Variants in DYNC1LI1 observed in about 807,000 individuals in gnomAD.
DYNC1LI1 encodes cytoplasmic dynein 1 light intermediate chain 1.
A neutral mutation model predicts 63.8 loss-of-function variants in DYNC1LI1; 19 were observed. The ratio of observed to expected loss-of-function variants is 0.30; its 90% CI spans 0.21 to 0.44. The LOEUF (loss-of-function observed/expected upper bound fraction) is 0.44. DYNC1LI1 is among the 20% of genes least tolerant of loss of function. The pLI, the probability that DYNC1LI1 is intolerant of heterozygous loss-of-function variation, is 1.00. For missense variants in DYNC1LI1, 565 were observed against 630.2 expected, an observed-to-expected ratio of 0.90 and a Z score of 1.11; for synonymous variants, 225 against 232.3, an observed-to-expected ratio of 0.97 and a Z score of 0.28.
intron 2 of DYNC1LI1, chr3:32,566,669 TG>T: frequency 2.4e-6 from 1 of 420,464 alleles, no homozygotes; most frequent in Non-Finnish European, 4.7e-6. Flanking sequence ...ACCTAGGAGG[TG>T]GAGGTTGCAG....
At position 32,570,361 on chromosome 3, in the gene DYNC1LI1, T is replaced by C. The variant is rs1400256148; in HGVS notation, c.205A>G (p.Asn69Asp). The change falls in exon 2 of 13, where the codon AAC becomes GAC. Residue 69 changes from asparagine to aspartate, a missense_variant. Physicochemically the swap from Asn to Asp is conservative, Grantham distance 23 (BLOSUM62 1). Transcript: ENST00000273130. Reference sequence around the variant, plus strand: ...GAACACTTACCCAGCAGTAGCACGTTCTTCCCCGCAGGGAGCTTGGAGCGC... The same window carrying C: ...GAACACTTACCCAGCAGTAGCACGTCCTTCCCCGCAGGGAGCTTGGAGCGC... ...RSRSKLPAGK[N>D]VLLLGEDGAG... 1 of 1,603,572 alleles carries C rather than the reference T, an allele frequency of 6.2e-7. No individual in the cohort carries two copies. The highest frequency in any genetic ancestry group is 8.5e-7 in the Non-Finnish European group (1 of 1,175,864).
At chr3:32,570,307 G>A (rs1335718387) in intron 2 of DYNC1LI1, 39 bp downstream of exon 2, 5 of 1,529,264 alleles carry the variant, frequency 3.3e-6, no homozygotes, top group Non-Finnish European at 4.5e-6. Context: ...CCGGGCCGCT[G>A]GGGGCCGGGC....
intron 8 of DYNC1LI1, chr3:32,532,507 A>ATATATATATATATATAT (rs1553617333): frequency 2.0e-5 from 3 of 147,520 alleles, no homozygotes; most frequent in Admixed American, 6.8e-5. Context: ...ATATATATAT[A>ATATATATATATATATAT]AAATTGAAAG....
At chr3:32,554,717 T>C (rs2125442249) in intron 2 of DYNC1LI1, among the ~76,000 whole-genome samples, 1 of 152,314 alleles carries the variant, frequency 6.6e-6, no homozygotes, top group South Asian at 2.1e-4. Flanking sequence ...CACACAGTGC[T>C]TTGGCAGGAA....
In DYNC1LI1 at chr3:32,538,007, TA is replaced by T. The variant is rs1334878502; in HGVS notation, c.739-904del. 5.8e-4 allele frequency among the ~76,000 whole-genome samples: 23 copies of T among 39,688 alleles called. 6 individuals are homozygous for T. Among genetic ancestry groups the T allele is most frequent in the East Asian group, 1.1e-3 (1 of 938 alleles). 26.0% of individuals were successfully genotyped at this position (39,688 alleles called of 152,430 possible). A position where few individuals can be genotyped will look rare whatever the true frequency, so the allele number is the denominator to read the frequency against. Reference sequence around the variant, plus strand: ...AATATATATATATAATTTATATATATAATATATATATATAATTTATATATAT... The same window carrying T: ...AATATATATATATAATTTATATATATATATATATATATAATTTATATATAT... On this transcript the variant is annotated intron_variant, in intron 5 of 12. Transcript: ENST00000273130.
chr3:32,570,639 G>A lies in DYNC1LI1; in HGVS notation c.132C>T (p.Asp44=), dbSNP rs755191535. The A allele has an allele frequency of 6.3e-7, 1 of 1,585,466 alleles. No individual in the cohort carries two copies. The highest frequency in any genetic ancestry group is 1.1e-5 in the South Asian group (1 of 87,482). Residue 44 remains aspartate (D), a synonymous_variant, in exon 1 of 13, where the codon GAC becomes GAT. Transcript: ENST00000273130. ...NGGAAAGDDE[D]GQNLWSCILS... ...GGAGTCGTTACCAAAGGTTCTGCCCGTCCTCGTCGTCGCCTGCCGCGGCGC... is the reference window on the plus strand; with the variant it reads ...GGAGTCGTTACCAAAGGTTCTGCCCATCCTCGTCGTCGCCTGCCGCGGCGC...
chr3:32,543,985 TG>T (rs1230544019), intron 4 of DYNC1LI1, among the ~76,000 whole-genome samples: 23 of 143,572 alleles, frequency 1.6e-4, no homozygotes, highest in African/African-American at 5.9e-4. Flanking sequence ...CTTGAGCTGG[TG>T]GGGGGGCGGG....
intron 2 of DYNC1LI1, among the ~76,000 whole-genome samples, chr3:32,559,845 T>A (rs1698166295): frequency 3.3e-5 from 5 of 152,174 alleles, no homozygotes; most frequent in South Asian, 4.1e-4. Context: ...CTGAAAGCTC[T>A]GGTGACAAGA....
At chr3:32,535,271 C>G (rs1355542994) in intron 6 of DYNC1LI1, among the ~76,000 whole-genome samples, 1 of 152,212 alleles carries the variant, frequency 6.6e-6, no homozygotes, top group Non-Finnish European at 1.5e-5. Flanking sequence ...CAGAGCCTAA[C>G]TTTGACCTTT....
chr3:32,528,967 T>C (rs1285516143), intron 11 of DYNC1LI1, among the ~76,000 whole-genome samples: 1 of 152,096 alleles, frequency 6.6e-6, no homozygotes, highest in Non-Finnish European at 1.5e-5. Context: ...CCGGTAGAAG[T>C]TGCCAGAGAT....
At chr3:32,554,137 C>T (rs1226727459) in intron 2 of DYNC1LI1, among the ~76,000 whole-genome samples, 3 of 152,222 alleles carry the variant, frequency 2.0e-5, no homozygotes, top group Admixed American at 1.3e-4. Flanking sequence ...AAAATTAATG[C>T]ACTCTTCTTT....
At chr3:32,570,574 G>T in intron 1 of DYNC1LI1, 51 bp downstream of exon 1, 1 of 1,537,272 alleles carries the variant, frequency 6.5e-7, no homozygotes, top group Non-Finnish European at 8.8e-7. Context: ...CGAGGCGTCC[G>T]CGCAAGGCCG....
chr3:32,528,478 C>T lies in DYNC1LI1; in HGVS notation c.1430G>A (p.Ser477Asn), dbSNP rs1362497438. 20 of 1,614,048 alleles carry T rather than the reference C, an allele frequency of 1.2e-5. No individual in the cohort carries two copies. Among genetic ancestry groups the T allele is most frequent in the African/African-American group, 5.3e-5 (4 of 74,940 alleles). Reference protein sequence around the residue: ...GSPAGGAGGGSSGLPPSTKKS... With the variant: ...GSPAGGAGGGNSGLPPSTKKS... ...TTTGGTGGATGGTGGTAAACCACTG[C>T]TTCCACCTCCAGCCCCACCTGCAGG... is the stretch of plus-strand genomic sequence containing the variant. The change falls in exon 12 of 13, where the codon AGC (serine) becomes AAC (asparagine). Residue 477 changes from serine (S) to asparagine (N), a missense_variant. Ser to Asn is a conservative substitution (Grantham distance 46, BLOSUM62 1). Transcript: ENST00000273130.
rs758138813 is a variant in DYNC1LI1 at position 32,570,421 on chromosome 3, TA to T, written c.147-3del. 22 of 1,598,112 alleles carry T rather than the reference TA, an allele frequency of 1.4e-5. No individual in the cohort carries two copies. Among genetic ancestry groups the T allele is most frequent in the Non-Finnish European group, 1.9e-5 (22 of 1,174,176 alleles). On this transcript the variant is annotated splice_region_variant and splice_polypyrimidine_tract_variant and intron_variant, in intron 1 of 12. Transcript: ENST00000273130. Reference sequence around the variant, plus strand: ...GAGACCTCGCTGAGGATGCAGGACCTAACGGGAAGCAAGGCGTACGGTGAGG... The same window carrying T: ...GAGACCTCGCTGAGGATGCAGGACCTACGGGAAGCAAGGCGTACGGTGAGG...
chr3:32,549,663 C>T (rs1415185038), intron 2 of DYNC1LI1, among the ~76,000 whole-genome samples: 2 of 152,078 alleles, frequency 1.3e-5, no homozygotes, highest in African/African-American at 4.8e-5. Flanking sequence ...AGTAAAACTA[C>T]ATATAATATG....
intron 2 of DYNC1LI1, among the ~76,000 whole-genome samples, chr3:32,553,001 G>T (rs1698065369): frequency 1.3e-5 from 2 of 152,238 alleles, no homozygotes; most frequent in Non-Finnish European, 2.9e-5. Flanking sequence ...GGCCTAAAAT[G>T]TATACTTCTA....
At chr3:32,540,041 AT>A (rs996371503) in intron 5 of DYNC1LI1, among the ~76,000 whole-genome samples, 5 of 137,856 alleles carry the variant, frequency 3.6e-5, no homozygotes, top group Non-Finnish European at 4.7e-5. Context: ...ATTTTTTTGT[AT>A]TTTTTTTTGG....
chr3:32,529,513 CTTGTT>C (rs1466006083), intron 11 of DYNC1LI1, 22 bp downstream of exon 11: 5 of 1,583,098 alleles, frequency 3.2e-6, no homozygotes, highest in Non-Finnish European at 4.3e-6. Context: ...AATGTATTGT[CTTGTT>C]ATCTCCTAGA....
chr3:32,537,144 A>C, intron 5 of DYNC1LI1, 40 bp from the exon 6 acceptor site: 3 of 1,128,694 alleles, frequency 2.7e-6, no homozygotes, highest in Non-Finnish European at 3.8e-6. Flanking sequence ...CATTTAAAAT[A>C]ATCATAACTA....
Sources: gnomAD v4.1 joint callset for allele counts (sites outside exome capture counted in the v4.1 genomes callset) on GRCh38, gnomAD v4.1.1 for gene constraint, MANE v1.5 for transcripts, NCBI Gene and HGNC (gene_info 2026-07-23, HGNC 2026-07-21) for gene names.